The following CNTNAP3 variants were observed in gnomAD, a reference collection of about 807,000 sequenced individuals.
CNTNAP3 encodes the protein contactin-associated protein-like 3.
CNTNAP3 carries 36 observed loss-of-function variants against 92.1 expected under a neutral mutation model. That is an observed-to-expected ratio of 0.39 (90% CI 0.30 to 0.52). The LOEUF (loss-of-function observed/expected upper bound fraction) is 0.52. Ranked by LOEUF, CNTNAP3 falls within the 20% of genes least tolerant of loss-of-function variation. The pLI is 0.76. For synonymous variants in CNTNAP3, 232 were observed against 422.3 expected (o/e 0.55, Z 5.53); for missense variants, 534 against 1,069.6 (o/e 0.50, Z 6.98).
intron 21 of CNTNAP3, among the ~76,000 whole-genome samples, chr9:39,084,194 G>GTTTT (rs201621606): frequency 0.011 from 1,260 of 116,806 alleles, 44 homozygotes; most frequent in African/African-American, 0.034. Flanking sequence ...TGCTCACCAA[G>GTTTT]TTTTTTTTTT....
intron 22 of CNTNAP3, 100 bp downstream of exon 22, chr9:39,078,590 A>G: frequency 6.5e-7 from 1 of 1,545,720 alleles, no homozygotes. Flanking sequence ...AAAGGAAAAA[A>G]AGAAGGATGA....
chr9:39,084,149 G>A (rs1826011072), intron 21 of CNTNAP3, among the ~76,000 whole-genome samples: 3 of 151,456 alleles, frequency 2.0e-5, no homozygotes, highest in Admixed American at 1.3e-4. Context: ...TCATTCAGAG[G>A]CTTTCTCAGT....
At chr9:39,135,155 A>C (rs1175005456) in intron 12 of CNTNAP3, among the ~76,000 whole-genome samples, 1 of 152,242 alleles carries the variant, frequency 6.6e-6, no homozygotes, top group Non-Finnish European at 1.5e-5. Context: ...TAAAACACCC[A>C]AAGAAGGACA....
At chr9:39,109,629 G>A (rs1826695002) in intron 14 of CNTNAP3, among the ~76,000 whole-genome samples, 1 of 152,092 alleles carries the variant, frequency 6.6e-6, no homozygotes, top group Admixed American at 6.6e-5. Flanking sequence ...TTTCATACAA[G>A]TTTTATAAGA....
intron 18 of CNTNAP3, among the ~76,000 whole-genome samples, chr9:39,098,641 A>T (rs188099380): frequency 1.4e-4 from 22 of 152,308 alleles, no homozygotes; most frequent in African/African-American, 5.3e-4. Context: ...TGAGATATAA[A>T]AAGGGCTCTG....
intron 13 of CNTNAP3, among the ~76,000 whole-genome samples, chr9:39,122,986 G>A (rs1821067818): frequency 6.6e-6 from 1 of 151,742 alleles, no homozygotes; most frequent in Non-Finnish European, 1.5e-5. Context: ...GAAGTGCTGA[G>A]GAAAGAATCA....
chr9:39,143,437 G>T (rs1268216847), intron 11 of CNTNAP3, among the ~76,000 whole-genome samples: 5 of 152,030 alleles, frequency 3.3e-5, no homozygotes, highest in Non-Finnish European at 7.4e-5. Flanking sequence ...AGGCATCCTG[G>T]AGCCAAGGCT....
chr9:39,168,420 C>A (rs984983507), intron 8 of CNTNAP3, among the ~76,000 whole-genome samples: 21 of 115,576 alleles, frequency 1.8e-4, no homozygotes, highest in Non-Finnish European at 2.6e-4. Flanking sequence ...GGCAGGAATA[C>A]AATTGAACTT....
At position 39,065,415 on chromosome 9, in the gene CNTNAP3, T is replaced by C. The variant is rs1358932347; in HGVS notation, c.*8475A>G. Among the ~76,000 whole-genome samples the C allele has an allele frequency of 2.6e-5, 4 of 152,210 alleles. No homozygotes were observed. Among genetic ancestry groups the C allele is most frequent in the Non-Finnish European group, 4.4e-5 (3 of 68,030 alleles). On this transcript the variant is annotated 3_prime_UTR_variant, in exon 24 of 24. Transcript: ENST00000297668. ...TAGGCAGTTTACAGTTTGGGGATATTATAAGTAAAGATGCTATAAACGTTC... is the reference window on the plus strand; with the variant it reads ...TAGGCAGTTTACAGTTTGGGGATATCATAAGTAAAGATGCTATAAACGTTC...
At chr9:39,115,941 T>C (rs987010152) in intron 14 of CNTNAP3, among the ~76,000 whole-genome samples, 4 of 148,662 alleles carry the variant, frequency 2.7e-5, no homozygotes, top group African/African-American at 1.0e-4. Flanking sequence ...GAAGGTTCTG[T>C]AACAAAAAAA....
chr9:39,147,380 G>A (rs1821728975), intron 10 of CNTNAP3, among the ~76,000 whole-genome samples: 1 of 152,038 alleles, frequency 6.6e-6, no homozygotes. Context: ...TAATGTAAAG[G>A]GAACAGCAAA....
intron 13 of CNTNAP3, among the ~76,000 whole-genome samples, chr9:39,123,134 G>A (rs1475647046): frequency 5.1e-5 from 7 of 138,014 alleles, no homozygotes; most frequent in South Asian, 2.2e-4. Context: ...TCTCTCTGTC[G>A]CCCAGGCTGG....
At chr9:39,095,393 G>T (rs1442460983) in intron 18 of CNTNAP3, among the ~76,000 whole-genome samples, 2 of 151,470 alleles carry the variant, frequency 1.3e-5, no homozygotes, top group Admixed American at 1.3e-4. Context: ...GGGCATACTT[G>T]TCGTGTTTCT....
chr9:39,130,345 GA>G (rs1821250217), intron 13 of CNTNAP3, among the ~76,000 whole-genome samples: 1 of 151,774 alleles, frequency 6.6e-6, no homozygotes, highest in South Asian at 2.1e-4. Context: ...TTATGCAAAT[GA>G]ATCTAGAGAG....
chr9:39,101,450 C>G (rs1356704610), intron 17 of CNTNAP3, among the ~76,000 whole-genome samples: 1 of 143,852 alleles, frequency 7.0e-6, no homozygotes, highest in East Asian at 2.2e-4. Context: ...AGAATAGTTT[C>G]AAAAGCAATA....
intron 15 of CNTNAP3, among the ~76,000 whole-genome samples, chr9:39,108,370 G>T (rs902038740): frequency 1.3e-5 from 2 of 152,124 alleles, no homozygotes; most frequent in African/African-American, 4.8e-5. Flanking sequence ...AAACTGCTTG[G>T]TATTAGGGGA....
intron 13 of CNTNAP3, among the ~76,000 whole-genome samples, chr9:39,121,115 A>T (rs1255712244): frequency 1.3e-5 from 2 of 151,368 alleles, no homozygotes; most frequent in Admixed American, 1.3e-4. Flanking sequence ...AACAAAAGTT[A>T]GACGTTGGCA....
chr9:39,150,949 T>C (rs1391151008), intron 9 of CNTNAP3, among the ~76,000 whole-genome samples: 1 of 146,408 alleles, frequency 6.8e-6, no homozygotes. Context: ...TATAGGAAAG[T>C]AGTGTCTTGA....
rs1426562031 is a variant in CNTNAP3 at position 39,132,997 on chromosome 9, A to G, written c.2015T>C (p.Leu672Pro). ...GAGQLRSAVN[L>P]AERCEQRLAL... The stretch of plus-strand genomic sequence containing the variant: ...CAGCCGCTGCTCGCAGCGCTCCGCC[A>G]GGTTCACCGCGGACCGCAGCTGCCC... Residue 672 changes from leucine to proline, a missense_variant, in exon 13 of 24, where the codon CTG (leucine) becomes CCG (proline). Coordinates refer to ENST00000297668, the MANE Select transcript of CNTNAP3 (RefSeq NM_033655.5). 6 of 1,540,258 alleles carry G rather than the reference A, an allele frequency of 3.9e-6. No homozygotes were observed. The East Asian group carries it at 9.6e-5, about 25-fold the overall frequency.
Sources: allele counts gnomAD v4.1 joint callset (sites outside exome capture counted in the v4.1 genomes callset), GRCh38; gene constraint gnomAD v4.1.1; transcripts MANE v1.5; gene names NCBI Gene and HGNC (gene_info 2026-07-23, HGNC 2026-07-21).